ZNF530: variants seen among roughly 807,000 people sequenced by gnomAD.
ZNF530 encodes zinc finger protein 530.
A neutral mutation model predicts 2.8 loss-of-function variants in ZNF530; 5 were observed. The ratio of observed to expected loss-of-function variants is 1.80; its 90% CI spans 0.94 to 3.78. The LOEUF (loss-of-function observed/expected upper bound fraction) is 3.78. Ranked by LOEUF, ZNF530 falls within the 30% of genes most tolerant of loss-of-function variation. ZNF530 has a pLI of 0.00. For missense variants in ZNF530, 619 were observed against 673.3 expected (o/e 0.92, Z 0.89); for synonymous variants, 229 against 235.0 (o/e 0.97, Z 0.23).
At position 57,609,783 on chromosome 19, in the gene ZNF530, A is replaced by T. The variant is rs915478451; in HGVS notation, c.*2458A>T. ...TTCCTGTAGCCTCTCTGGCCTGTTT[A>T]CTTCAAGGCCATTGCTGCACAGACA... On this transcript the variant is annotated 3_prime_UTR_variant, in exon 4 of 4. Coordinates refer to ENST00000597700, the MANE Select transcript of ZNF530 (RefSeq NM_001321981.2). 6.6e-6 allele frequency among the ~76,000 whole-genome samples: 1 copy of T among 152,130 alleles called. No individual in the cohort carries two copies. The highest frequency in any genetic ancestry group is 2.1e-4 in the South Asian group (1 of 4,826).
chr19:57,612,203 T>C (rs1029340048), downstream of ZNF530, among the ~76,000 whole-genome samples: 1 of 152,226 alleles, frequency 6.6e-6, no homozygotes, highest in African/African-American at 2.4e-5. Context: ...ATTACATATC[T>C]TTCCAGCACT....
chr19:57,612,389 A>T (rs989849560), downstream of ZNF530: 1 of 397,424 alleles, frequency 2.5e-6, no homozygotes, highest in East Asian at 3.6e-5. Context: ...GAAATACAGT[A>T]GGTGTTCCTT....
downstream of ZNF530, among the ~76,000 whole-genome samples, chr19:57,611,257 G>A (rs1980865809): frequency 6.6e-6 from 1 of 152,138 alleles, no homozygotes; most frequent in Admixed American, 6.6e-5. Context: ...TTTTTTAGCA[G>A]GAGTGAGAGT....
At position 57,609,269 on chromosome 19, in the gene ZNF530, T is replaced by C. The variant is rs1174852445; in HGVS notation, c.*1944T>C. ...ATAGCTTGAACCCGGAAGTGGAGGT[T>C]GCAGTGAGCTGAGACCACACCACTG... On this transcript the variant is annotated 3_prime_UTR_variant, in exon 4 of 4. Transcript: ENST00000597700. Among the ~76,000 whole-genome samples, 1 of 151,446 alleles carries C rather than the reference T, an allele frequency of 6.6e-6. No homozygotes were observed. Among genetic ancestry groups the C allele is most frequent in the Non-Finnish European group, 1.5e-5 (1 of 67,868 alleles).
chr19:57,604,223 A>G, intron 2 of ZNF530, 54 bp from the exon 3 acceptor site: 1 of 1,611,434 alleles, frequency 6.2e-7, no homozygotes, highest in Non-Finnish European at 8.5e-7. Context: ...TGGGGGAATC[A>G]ACTTGGGGTC....
rs543737848 is a variant in ZNF530 at position 57,609,791 on chromosome 19, G to A, written c.*2466G>A. On this transcript the variant is annotated 3_prime_UTR_variant, in exon 4 of 4. Transcript: ENST00000597700. ...GCCTCTCTGGCCTGTTTACTTCAAG[G>A]CCATTGCTGCACAGACAAAAAAAAA... Among the ~76,000 whole-genome samples, 5 of 152,050 alleles carry A rather than the reference G, an allele frequency of 3.3e-5. No homozygotes were observed. The highest frequency in any genetic ancestry group is 2.1e-4 in the South Asian group (1 of 4,812).
intron 2 of ZNF530, among the ~76,000 whole-genome samples, chr19:57,602,041 AG>A (rs1375833871): frequency 6.6e-5 from 10 of 152,202 alleles, no homozygotes; most frequent in African/African-American, 2.4e-4. Flanking sequence ...AGGCTATATC[AG>A]TGTCTTACCT....
rs907786051 is a variant in ZNF530 at position 57,609,590 on chromosome 19, G to A, written c.*2265G>A. 1.3e-5 allele frequency among the ~76,000 whole-genome samples: 2 copies of A among 152,182 alleles called. No homozygotes were observed. The highest frequency in any genetic ancestry group is 2.9e-5 in the Non-Finnish European group (2 of 68,042). On this transcript the variant is annotated 3_prime_UTR_variant, in exon 4 of 4. Coordinates refer to ENST00000597700, the MANE Select transcript of ZNF530 (RefSeq NM_001321981.2). ...TGAACCTGGGAGGTGAGCCGAGATC[G>A]CACCATTGCACTTCGGCCTGGGCAA...
rs1030762558 is a variant in ZNF530, at chr19:57,599,959, C to G, written c.-297C>G. The G allele has an allele frequency of 3.3e-5, 30 of 920,844 alleles. No individual in the cohort carries two copies. Among genetic ancestry groups the G allele is most frequent in the Non-Finnish European group, 4.4e-5 (28 of 639,118 alleles). The allele number at this position is 920,844 out of a possible 1,614,324, so 57.0% of individuals were successfully genotyped here. ...CCATCCGCGGGTGCCGGATCTGGAC[C>G]TAGGTGCTGACAGCGAGAAGGCGCG... On this transcript the variant is annotated 5_prime_UTR_variant, in exon 1 of 4. Transcript: ENST00000597700.
rs144027172 is a variant in ZNF530, at chr19:57,606,357, C to T, written c.733C>T (p.Arg245Cys). The change falls in exon 4 of 4, where the codon CGC becomes TGC. Residue 245 changes from arginine to cysteine, a missense_variant. Transcript: ENST00000597700. Reference protein sequence around the residue: ...ECSECGKSFSRKTHLTQHQRV... With the variant: ...ECSECGKSFSCKTHLTQHQRV... ...TAGTGAATGTGGGAAATCATTTAGTCGCAAAACTCACCTAACTCAACACCA... is the reference window on the plus strand; with the variant it reads ...TAGTGAATGTGGGAAATCATTTAGTTGCAAAACTCACCTAACTCAACACCA... 69 of 1,614,118 alleles carry T rather than the reference C, an allele frequency of 4.3e-5. No individual in the cohort carries two copies. In the East Asian group the frequency reaches 5.3e-4, roughly 13 times the overall value.
rs899187990 is a variant in ZNF530 at position 57,609,651 on chromosome 19, A to G, written c.*2326A>G. 6.6e-6 allele frequency among the ~76,000 whole-genome samples: 1 copy of G among 152,198 alleles called. No homozygotes were observed. Among genetic ancestry groups the G allele is most frequent in the Non-Finnish European group, 1.5e-5 (1 of 68,032 alleles). ...ACTCTGTCTCAAAAAAAAAGTATCCACAAATGTTCCAGTGACTATGACTGC... is the reference window on the plus strand; with the variant it reads ...ACTCTGTCTCAAAAAAAAAGTATCCGCAAATGTTCCAGTGACTATGACTGC... On this transcript the variant is annotated 3_prime_UTR_variant, in exon 4 of 4. Transcript: ENST00000597700.
chr19:57,600,230 A>T, intron 1 of ZNF530, 96 bp downstream of exon 1: 1 of 1,361,774 alleles, frequency 7.3e-7, no homozygotes, highest in Non-Finnish European at 9.9e-7. Context: ...ACTGTCCGGC[A>T]CAGTGAGGCG....
At chr19:57,601,602 A>G (rs1180345999) in intron 2 of ZNF530, among the ~76,000 whole-genome samples, 1 of 152,232 alleles carries the variant, frequency 6.6e-6, no homozygotes, top group African/African-American at 2.4e-5. Flanking sequence ...ACTCTGAGGA[A>G]GGGTGCAGGA....
chr19:57,611,876 C>G (rs544495408), downstream of ZNF530, among the ~76,000 whole-genome samples: 15 of 152,274 alleles, frequency 9.9e-5, no homozygotes, highest in African/African-American at 3.6e-4. Context: ...CTGCCCTACT[C>G]TTATCTACCT....
At chr19:57,611,198 C>T (rs908789862), downstream of ZNF530, among the ~76,000 whole-genome samples, 2 of 152,108 alleles carry the variant, frequency 1.3e-5, no homozygotes, top group African/African-American at 4.8e-5. Context: ...AAAATTCAAC[C>T]GAGGAGGCAG....
intron 3 of ZNF530, chr19:57,604,779 C>A (rs754191733): frequency 2.2e-4 from 40 of 184,744 alleles, no homozygotes; most frequent in Middle Eastern, 2.4e-3. Context: ...ATCATGTTAA[C>A]TACTTAACTG....
chr19:57,606,120 A>G lies in ZNF530; in HGVS notation c.496A>G (p.Ile166Val). The G allele has an allele frequency of 6.2e-7, 1 of 1,614,232 alleles. No individual in the cohort carries two copies. The highest frequency in any genetic ancestry group is 8.5e-7 in the Non-Finnish European group (1 of 1,180,042). ...CACCATTGAGAGACCACACAGCAGG[A>G]TTAGACACTTGAGAGTTCCCACTGG... ...TPTIERPHSR[I>V]RHLRVPTGRK... Residue 166 changes from isoleucine to valine, a missense_variant, in exon 4 of 4, where the codon ATT becomes GTT. Coordinates refer to ENST00000597700, the MANE Select transcript of ZNF530 (RefSeq NM_001321981.2).
At chr19:57,601,657 G>A (rs1190420325) in intron 2 of ZNF530, among the ~76,000 whole-genome samples, 5 of 152,174 alleles carry the variant, frequency 3.3e-5, no homozygotes, top group Non-Finnish European at 7.4e-5. Flanking sequence ...AACTAGGATG[G>A]AGCCCTATGT....
rs748246254 is a variant in ZNF530 at position 57,607,961 on chromosome 19, A to C, written c.*636A>C. Reference sequence around the variant, plus strand: ...CCGCTGGGAGACCCACAGAGTGTGCATCAGTCACCACCCCAACATGCTCAG... The same window carrying C: ...CCGCTGGGAGACCCACAGAGTGTGCCTCAGTCACCACCCCAACATGCTCAG... On this transcript the variant is annotated 3_prime_UTR_variant, in exon 4 of 4. Coordinates refer to ENST00000597700, the MANE Select transcript of ZNF530 (RefSeq NM_001321981.2). 6.5e-6 allele frequency: 1 copy of C among 153,364 alleles called. No individual in the cohort carries two copies. Among genetic ancestry groups the C allele is most frequent in the Non-Finnish European group, 1.5e-5 (1 of 68,938 alleles). The allele number at this position is 153,364 out of a possible 1,614,324, so 9.5% of individuals were successfully genotyped here. A position where few individuals can be genotyped will look rare whatever the true frequency, so the allele number is the denominator to read the frequency against.
Sources: allele counts gnomAD v4.1 joint callset (sites outside exome capture counted in the v4.1 genomes callset), GRCh38; gene constraint gnomAD v4.1.1; transcripts MANE v1.5; gene names NCBI Gene and HGNC (gene_info 2026-07-23, HGNC 2026-07-21).